The following ATXN1 variants were observed in gnomAD, a reference collection of about 807,000 sequenced individuals.
ATXN1 encodes ataxin-1.
A neutral mutation model predicts 56.4 loss-of-function variants in ATXN1; 8 were observed. The ratio of observed to expected loss-of-function variants is 0.14; its 90% CI spans 0.08 to 0.26. ATXN1 has a LOEUF of 0.26. Ranked by LOEUF, ATXN1 falls within the 10% of genes least tolerant of loss-of-function variation. The pLI is 1.00. For synonymous variants in ATXN1, 514 were observed against 494.6 expected, an observed-to-expected ratio of 1.04 and a Z score of -0.52; for missense variants, 987 against 1,106.5, an observed-to-expected ratio of 0.89 and a Z score of 1.53.
chr6:16,745,933 C>CGTGTGTGTGTGTGTGTGT (rs60773814), intron 2 of ATXN1, among the ~76,000 whole-genome samples: 2 of 147,128 alleles, frequency 1.4e-5, no homozygotes, highest in Non-Finnish European at 3.0e-5. Context: ...CTATGCCTTC[C>CGTGTGTGTGTGTGTGTGT]GTGTGTGTGT....
chr6:16,594,863 G>A (rs1032007561), intron 3 of ATXN1, among the ~76,000 whole-genome samples: 1 of 152,170 alleles, frequency 6.6e-6, no homozygotes, highest in African/African-American at 2.4e-5. Context: ...ACTTTGTTCA[G>A]CACTAAGCAT....
intron 6 of ATXN1, among the ~76,000 whole-genome samples, chr6:16,332,672 G>C (rs1463796931): frequency 6.6e-6 from 1 of 152,224 alleles, no homozygotes; most frequent in Non-Finnish European, 1.5e-5. Flanking sequence ...ATTGGAGGGA[G>C]AGTTAATAGA....
In ATXN1 at chr6:16,306,353, T is replaced by C; in HGVS notation, c.2424A>G (p.Glu808=). 6.2e-7 allele frequency: 1 copy of C among 1,611,548 alleles called. No individual in the cohort carries two copies. The highest frequency in any genetic ancestry group is 2.2e-5 in the East Asian group (1 of 44,832). Residue 808 remains glutamate (E), a synonymous_variant, in exon 8 of 8, where the codon GAA becomes GAG. Transcript: ENST00000436367. This position sits in a 1 kb window ranked among gnomAD's most constrained non-coding sequence, Gnocchi z 5.2. The stretch of plus-strand genomic sequence containing the variant: ...TCTACTTGCCTACATTAGACCGGCC[T>C]TCAATGCAAATCTTAACCTCCTGAG... ...LIPQEVKICI[E]GRSNVGK is the part of the protein sequence containing the mutation.
chr6:16,316,414 T>G (rs1760509611), intron 7 of ATXN1, among the ~76,000 whole-genome samples: 1 of 152,166 alleles, frequency 6.6e-6, no homozygotes, highest in South Asian at 2.1e-4. Context: ...CTCCAGAGTC[T>G]AAAAGACTTC....
intron 3 of ATXN1, among the ~76,000 whole-genome samples, chr6:16,653,811 G>A (rs1456835327): frequency 2.0e-5 from 3 of 152,226 alleles, no homozygotes; most frequent in Non-Finnish European, 4.4e-5. Flanking sequence ...AAGAGGGAAT[G>A]CAACCCTCAT....
intron 2 of ATXN1, among the ~76,000 whole-genome samples, chr6:16,684,760 T>C (rs568467776): frequency 6.6e-6 from 1 of 152,328 alleles, no homozygotes; most frequent in African/African-American, 2.4e-5. Context: ...TTAATGAATA[T>C]ATAATTCAAT....
chr6:16,339,470 G>A (rs1488041484), intron 6 of ATXN1, among the ~76,000 whole-genome samples: 1 of 152,174 alleles, frequency 6.6e-6, no homozygotes, highest in African/African-American at 2.4e-5. Context: ...TTCAGTCACT[G>A]AGACACTGCA....
Position 16,475,295 on chromosome 6 carries a change from T to A in ATXN1, c.-161+10677A>T, listed in dbSNP as rs2113643834. 3.9e-5 allele frequency among the ~76,000 whole-genome samples: 6 copies of A among 152,302 alleles called. 1 individual carries two copies. The South Asian group carries it at 1.2e-3, about 32-fold the overall frequency. ...ATAACCGAATTCACTGTCAGTGTAATGACAATGACAGTTAATGACAACTCC... is the reference window on the plus strand; with the variant it reads ...ATAACCGAATTCACTGTCAGTGTAAAGACAATGACAGTTAATGACAACTCC... On this transcript the variant is annotated intron_variant, in intron 6 of 7. Coordinates refer to ENST00000436367, the MANE Select transcript of ATXN1 (RefSeq NM_001128164.2).
At chr6:16,668,831 TA>T (rs1347217106) in intron 2 of ATXN1, among the ~76,000 whole-genome samples, 4 of 152,122 alleles carry the variant, frequency 2.6e-5, no homozygotes, top group Admixed American at 2.0e-4. Flanking sequence ...TATTTTGAGA[TA>T]GGGGTCTATG....
At chr6:16,485,055 T>C (rs1760518400) in intron 6 of ATXN1, 1 of 151,980 alleles carries the variant, frequency 6.6e-6, no homozygotes, top group Non-Finnish European at 1.5e-5. Flanking sequence ...TGTATTTATA[T>C]ATACACAAAA....
rs1182068994 is a variant in ATXN1 at position 16,566,657 on chromosome 6, T to G, written c.-361+19123A>C. On this transcript the variant is annotated intron_variant, in intron 4 of 7. Transcript: ENST00000436367. The stretch of plus-strand genomic sequence containing the variant: ...TCACGAGGTCAGGAGATCAAGACCA[T>G]CCTGGCGAACACTGTGAAACCCCGT... Among the ~76,000 whole-genome samples, 3 of 151,700 alleles carry G rather than the reference T, an allele frequency of 2.0e-5. No individual in the cohort carries two copies. In the South Asian group the frequency reaches 6.2e-4, roughly 32 times the overall value.
At chr6:16,569,745 G>A (rs1762298653) in intron 4 of ATXN1, among the ~76,000 whole-genome samples, 1 of 152,248 alleles carries the variant, frequency 6.6e-6, no homozygotes, top group East Asian at 1.9e-4. Context: ...CATACAGGCT[G>A]ACAATTCTCC....
chr6:16,341,366 C>A (rs1364929033), intron 6 of ATXN1, among the ~76,000 whole-genome samples: 1 of 152,056 alleles, frequency 6.6e-6, no homozygotes, highest in Non-Finnish European at 1.5e-5. Flanking sequence ...TCAGACTCAC[C>A]CAGGGAGCTT....
rs1393951081 is a variant in ATXN1 at position 16,410,660 on chromosome 6, T to G, written c.-161+75312A>C. Reference sequence around the variant, plus strand: ...GAATCTTCTTTATGTTCTAAAGTCTTAATCATGCATTTCTTTCAAATTGTG... The same window carrying G: ...GAATCTTCTTTATGTTCTAAAGTCTGAATCATGCATTTCTTTCAAATTGTG... On this transcript the variant is annotated intron_variant, in intron 6 of 7. Coordinates refer to ENST00000436367, the MANE Select transcript of ATXN1 (RefSeq NM_001128164.2). This position sits in a 1 kb window ranked among gnomAD's most constrained non-coding sequence, Gnocchi z 4.6. Among the ~76,000 whole-genome samples the G allele has an allele frequency of 1.3e-5, 2 of 152,242 alleles. No individual in the cohort carries two copies. The highest frequency in any genetic ancestry group is 2.4e-5 in the African/African-American group (1 of 41,460).
At chr6:16,383,865 T>C (rs1376623808) in intron 6 of ATXN1, among the ~76,000 whole-genome samples, 5 of 152,364 alleles carry the variant, frequency 3.3e-5, no homozygotes, top group East Asian at 1.9e-4. Flanking sequence ...TACTTCACTT[T>C]GCTCTCATGA....
intron 6 of ATXN1, among the ~76,000 whole-genome samples, chr6:16,437,397 T>C (rs1328138809): frequency 3.3e-5 from 5 of 152,290 alleles, no homozygotes; most frequent in Admixed American, 1.3e-4. Flanking sequence ...CATGTCTACA[T>C]GGGAAGGGCT....
intron 4 of ATXN1, among the ~76,000 whole-genome samples, chr6:16,576,940 T>C (rs1390775619): frequency 1.3e-5 from 2 of 152,172 alleles, no homozygotes; most frequent in African/African-American, 4.8e-5. Context: ...AGACACTTCA[T>C]GGAGCCTGTG....
Position 16,483,201 on chromosome 6 carries a change from G to A in ATXN1, c.-161+2771C>T, listed in dbSNP as rs1388693507. 2.6e-5 allele frequency among the ~76,000 whole-genome samples: 4 copies of A among 152,234 alleles called. No individual in the cohort carries two copies. In the South Asian group the frequency reaches 6.2e-4, roughly 24 times the overall value. On this transcript the variant is annotated intron_variant, in intron 6 of 7. Transcript: ENST00000436367. ...AAAGGCCATCTGCTGGCAAGTGGTG[G>A]CAGATTTGAGAGGCAGTTAATGGGA...
intron 6 of ATXN1, among the ~76,000 whole-genome samples, chr6:16,349,355 T>C (rs917483632): frequency 6.6e-6 from 1 of 151,374 alleles, no homozygotes; most frequent in East Asian, 1.9e-4. Flanking sequence ...ATACAAAAAT[T>C]AGCTGGGCAT....
Sources: gnomAD v4.1 joint callset for allele counts (sites outside exome capture counted in the v4.1 genomes callset) on GRCh38, gnomAD v4.1.1 for gene constraint, Gnocchi (gnomAD v3.1) non-coding constraint, MANE v1.5 for transcripts, NCBI Gene and HGNC (gene_info 2026-07-23, HGNC 2026-07-21) for gene names.